KCNMA1: variants seen among roughly 807,000 people sequenced by gnomAD.
The protein encoded by KCNMA1 is Calcium-activated potassium channel subunit alpha-1.
A neutral mutation model predicts 140.0 loss-of-function variants in KCNMA1; 29 were observed. That is an observed-to-expected ratio of 0.21 (90% CI 0.15 to 0.28). KCNMA1 has a LOEUF of 0.28. KCNMA1 is among the 10% of genes least tolerant of loss of function. The pLI, the probability that KCNMA1 is intolerant of heterozygous loss-of-function variation, is 1.00. For synonymous variants in KCNMA1, 612 were observed against 611.9 expected (o/e 1.00, Z 0.00); for missense variants, 880 against 1,602.2 (o/e 0.55, Z 7.70).
intron 1 of KCNMA1, among the ~76,000 whole-genome samples, chr10:77,491,469 G>C (rs1456324124): frequency 1.3e-5 from 2 of 152,168 alleles, no homozygotes; most frequent in Non-Finnish European, 2.9e-5. Flanking sequence ...CAAGGAATTA[G>C]GCCACTGCTA....
At chr10:77,291,058 C>T (rs2073064358) in intron 2 of KCNMA1, among the ~76,000 whole-genome samples, 1 of 152,308 alleles carries the variant, frequency 6.6e-6, no homozygotes, top group South Asian at 2.1e-4. Flanking sequence ...TTAGCACACA[C>T]ATATGCCCCA....
At chr10:77,271,963 C>T (rs1207098950) in intron 2 of KCNMA1, among the ~76,000 whole-genome samples, 1 of 152,192 alleles carries the variant, frequency 6.6e-6, no homozygotes, top group Non-Finnish European at 1.5e-5. Flanking sequence ...GGTTATTTCT[C>T]CTTATTCAGG....
intron 2 of KCNMA1, among the ~76,000 whole-genome samples, chr10:77,339,133 A>G (rs569989736): frequency 2.6e-5 from 4 of 151,958 alleles, no homozygotes; most frequent in Non-Finnish European, 5.9e-5. Flanking sequence ...GGGGTAAGGA[A>G]GTGTTTTTTT....
chr10:77,601,127 C>T lies in KCNMA1; in HGVS notation c.378+36138G>A, dbSNP rs113158915. Among the ~76,000 whole-genome samples, 77 of 152,292 alleles carry T rather than the reference C, an allele frequency of 5.1e-4. 1 individual carries two copies. Among genetic ancestry groups the T allele is most frequent in the African/African-American group, 1.8e-3 (75 of 41,568 alleles). ...TGGCTTTTACGGTCAGCCCTTGCCA[C>T]CTTTGCAAAATGTATTCAGAAACAT... is the stretch of plus-strand genomic sequence containing the variant. On this transcript the variant is annotated intron_variant, in intron 1 of 27. Transcript: ENST00000286628.
intron 2 of KCNMA1, among the ~76,000 whole-genome samples, chr10:77,269,607 TC>T (rs995995710): frequency 2.0e-5 from 3 of 152,092 alleles, no homozygotes; most frequent in African/African-American, 7.2e-5. Flanking sequence ...AAAAGAAAGC[TC>T]CCCAAGTAAT....
At chr10:77,073,038 C>A in intron 14 of KCNMA1, 59 bp downstream of exon 14, 4 of 1,532,482 alleles carry the variant, frequency 2.6e-6, no homozygotes, top group Non-Finnish European at 3.6e-6. Flanking sequence ...GTGCTCTCTA[C>A]TCAACCCCAC....
chr10:77,059,424 C>CA (rs1361793667), intron 14 of KCNMA1, among the ~76,000 whole-genome samples: 1 of 151,726 alleles, frequency 6.6e-6, no homozygotes, highest in Admixed American at 6.6e-5. Flanking sequence ...TAATATACAC[C>CA]AAAAAACAAA....
At chr10:77,480,517 GA>G (rs1475626574) in intron 1 of KCNMA1, among the ~76,000 whole-genome samples, 1 of 151,994 alleles carries the variant, frequency 6.6e-6, no homozygotes, top group Non-Finnish European at 1.5e-5. Context: ...AAGCATCCCA[GA>G]AAAAAAGAAA....
chr10:77,022,702 T>TA (rs1349896254), intron 16 of KCNMA1, among the ~76,000 whole-genome samples: 2 of 152,058 alleles, frequency 1.3e-5, no homozygotes, highest in Non-Finnish European at 2.9e-5. Context: ...GTTGAATGAA[T>TA]AAAAAAAATA....
At chr10:77,031,006 T>G (rs1342235822) in intron 15 of KCNMA1, among the ~76,000 whole-genome samples, 1 of 152,188 alleles carries the variant, frequency 6.6e-6, no homozygotes, top group Non-Finnish European at 1.5e-5. Flanking sequence ...CCTTCAAGAT[T>G]GGCTGATCTT....
intron 1 of KCNMA1, among the ~76,000 whole-genome samples, chr10:77,610,897 A>G (rs1324476079): frequency 5.3e-5 from 8 of 152,238 alleles, no homozygotes; most frequent in African/African-American, 1.9e-4. Flanking sequence ...ACAAAAAAGC[A>G]CTTATTGAAA....
intron 5 of KCNMA1, among the ~76,000 whole-genome samples, chr10:77,175,525 A>G (rs1445695589): frequency 6.6e-6 from 1 of 152,228 alleles, no homozygotes; most frequent in African/African-American, 2.4e-5. Flanking sequence ...AGGGGGCCAC[A>G]GTCCCTGCCA....
chr10:77,538,353 C>A (rs1272391958), intron 1 of KCNMA1, among the ~76,000 whole-genome samples: 1 of 152,216 alleles, frequency 6.6e-6, no homozygotes, highest in African/African-American at 2.4e-5. Context: ...GCCAGCAGCA[C>A]CCAGGTGAAT....
At chr10:76,993,226 C>A (rs1171721561) in intron 19 of KCNMA1, among the ~76,000 whole-genome samples, 1 of 152,120 alleles carries the variant, frequency 6.6e-6, no homozygotes, top group Non-Finnish European at 1.5e-5. Context: ...TATATTTGAA[C>A]TGGGGAAGAT....
chr10:77,436,216 C>A (rs1166277844), intron 1 of KCNMA1, among the ~76,000 whole-genome samples: 1 of 152,192 alleles, frequency 6.6e-6, no homozygotes, highest in Non-Finnish European at 1.5e-5. Context: ...GGCCACATAC[C>A]CAGGCCCTGC....
At chr10:77,014,635 T>A (rs2091616190) in intron 17 of KCNMA1, among the ~76,000 whole-genome samples, 1 of 152,128 alleles carries the variant, frequency 6.6e-6, no homozygotes, top group Non-Finnish European at 1.5e-5. Context: ...TTCTATGAGT[T>A]TAACTTTTGT....
chr10:76,916,011 C>T (rs993066846), intron 23 of KCNMA1, among the ~76,000 whole-genome samples: 2 of 144,326 alleles, frequency 1.4e-5, no homozygotes, highest in Non-Finnish European at 3.0e-5. Context: ...AGATTTTATA[C>T]ACATAAACAC....
intron 1 of KCNMA1, among the ~76,000 whole-genome samples, chr10:77,535,916 T>C (rs2058777330): frequency 6.6e-6 from 1 of 152,140 alleles, no homozygotes; most frequent in South Asian, 2.1e-4. Flanking sequence ...TTAAGAGGGA[T>C]TGGTTGATAG....
At chr10:77,305,328 G>T (rs574966990) in intron 2 of KCNMA1, among the ~76,000 whole-genome samples, 1 of 152,274 alleles carries the variant, frequency 6.6e-6, no homozygotes, top group South Asian at 2.1e-4. Flanking sequence ...AGTACCAAAT[G>T]CTTTTCCTAT....
Sources: allele counts gnomAD v4.1 joint callset (sites outside exome capture counted in the v4.1 genomes callset), GRCh38; gene constraint gnomAD v4.1.1; transcripts MANE v1.5; gene names NCBI Gene and HGNC (gene_info 2026-07-23, HGNC 2026-07-21).